Variants in PCGF3 observed in about 807,000 individuals in gnomAD.
The protein encoded by PCGF3 is polycomb group RING finger protein 3.
In PCGF3, 7 loss-of-function variants were observed where a neutral mutation model predicts 33.1. That is an observed-to-expected ratio of 0.21 (90% confidence interval 0.12 to 0.40). The LOEUF (loss-of-function observed/expected upper bound fraction) is 0.40, where lower values mean the gene tolerates loss of function less well. PCGF3 is among the 10% of genes least tolerant of loss of function. The pLI, the probability that PCGF3 is intolerant of heterozygous loss-of-function variation, is 1.00. For synonymous variants in PCGF3, 153 were observed against 121.3 expected, an observed-to-expected ratio of 1.26 and a Z score of -1.72; for missense variants, 211 against 313.3, an observed-to-expected ratio of 0.67 and a Z score of 2.46.
intron 8 of PCGF3, among the ~76,000 whole-genome samples, chr4:747,871 C>G (rs1043355946): frequency 1.9e-5 from 2 of 105,650 alleles, no homozygotes; most frequent in Non-Finnish European, 4.1e-5. Context: ...CTCCCGACTT[C>G]TTCCTTTTTC....
At position 720,514 on chromosome 4, in the gene PCGF3, C is replaced by T. The variant is rs1028807658; in HGVS notation, c.-189-10116C>T. 6.6e-6 allele frequency among the ~76,000 whole-genome samples: 1 copy of T among 152,184 alleles called. No homozygotes were observed. Among genetic ancestry groups the T allele is most frequent in the Non-Finnish European group, 1.5e-5 (1 of 68,036 alleles). Reference sequence around the variant, plus strand: ...TGGGTAGGGCCTCCTGCCAGGGAGCCTTGTGCATGGCTGGGAGGACGGCAA... The same window carrying T: ...TGGGTAGGGCCTCCTGCCAGGGAGCTTTGTGCATGGCTGGGAGGACGGCAA... On this transcript the variant is annotated intron_variant, in intron 1 of 10. Coordinates refer to ENST00000362003, the Ensembl canonical transcript of PCGF3. The surrounding 1 kb of genome is among the most constrained non-coding windows in gnomAD (Gnocchi z 5.6).
chr4:716,072 T>G (rs1742819892), intron 1 of PCGF3, among the ~76,000 whole-genome samples: 1 of 141,198 alleles, frequency 7.1e-6, no homozygotes. Context: ...ACACTGTGAG[T>G]GTGAGAACCG....
At chr4:735,231 T>C (rs1315405700) in intron 5 of PCGF3, among the ~76,000 whole-genome samples, 2 of 152,218 alleles carry the variant, frequency 1.3e-5, no homozygotes, top group African/African-American at 2.4e-5. Context: ...GCCCAGGCTG[T>C]GCCTGCACAT....
intron 1 of PCGF3, among the ~76,000 whole-genome samples, chr4:717,397 T>G (rs1742902190): frequency 6.6e-6 from 1 of 152,218 alleles, no homozygotes; most frequent in Admixed American, 6.5e-5. Context: ...GTGCTTACTT[T>G]TTTTTTCAGT....
At chr4:768,235 T>C (rs1745465723) in exon 11 of PCGF3, 1 of 152,652 alleles carries the variant, frequency 6.6e-6, no homozygotes, top group South Asian at 2.1e-4. Context: ...GAAGTCCCTA[T>C]TTTTCTAGGA....
intron 3 of PCGF3, among the ~76,000 whole-genome samples, chr4:733,070 C>CCGCCCCTGCCCCGTGCTGCCTT: frequency 2.2e-5 from 1 of 44,534 alleles, no homozygotes; most frequent in African/African-American, 1.9e-4. Flanking sequence ...CGTGCTGCCT[C>CCGCCCCTGCCCCGTGCTGCCTT]CGCCCCTGCC....
chr4:718,784 G>A (rs1354900368), intron 1 of PCGF3, among the ~76,000 whole-genome samples: 3 of 152,194 alleles, frequency 2.0e-5, no homozygotes, highest in Admixed American at 6.5e-5. Flanking sequence ...TTGTGGCCAC[G>A]GTAGGGGCTG....
At chr4:711,927 T>C (rs537546971) in intron 1 of PCGF3, among the ~76,000 whole-genome samples, 1 of 149,446 alleles carries the variant, frequency 6.7e-6, no homozygotes, top group Non-Finnish European at 1.5e-5. Flanking sequence ...CACTCCAGAC[T>C]GGGCGAAGAG....
chr4:761,480 A>T, intron 9 of PCGF3, 64 bp downstream of exon 9: 1 of 1,476,472 alleles, frequency 6.8e-7, no homozygotes, highest in Non-Finnish European at 9.1e-7. Context: ...GGTAACTCCA[A>T]GATTCTTTGC....
At chr4:766,116 AC>A (rs1275039641) in exon 11 of PCGF3, 2 of 1,598,964 alleles carry the variant, frequency 1.3e-6, no homozygotes, top group Non-Finnish European at 1.7e-6. Context: ...GGGCCCTCGC[AC>A]CCTTGGGTGC....
intron 1 of PCGF3, among the ~76,000 whole-genome samples, chr4:711,970 A>T (rs1048152416): frequency 0.054 from 5 of 92 alleles, no homozygotes; most frequent in Non-Finnish European, 0.071. Context: ...ATAAAAAGTA[A>T]AAAAAAAAAG....
chr4:765,288 C>G (rs1427435052), intron 10 of PCGF3, among the ~76,000 whole-genome samples: 1 of 152,142 alleles, frequency 6.6e-6, no homozygotes, highest in African/African-American at 2.4e-5. Flanking sequence ...AAAAAATTAG[C>G]CAGGCGTAGT....
chr4:734,242 G>T (rs923717068), intron 4 of PCGF3: 2 of 1,493,922 alleles, frequency 1.3e-6, no homozygotes, highest in Non-Finnish European at 1.8e-6. Context: ...GTTTTTCTAA[G>T]TGTGGCTACC....
At chr4:705,930 C>G (rs979099081) in exon 1 of PCGF3, 1 of 152,210 alleles carries the variant, frequency 6.6e-6, no homozygotes, top group Non-Finnish European at 1.5e-5. Flanking sequence ...CCGGCGCGGA[C>G]CCCGCGTGCG....
At chr4:769,544 G>A (rs557166963) in exon 11 of PCGF3, 1 of 152,686 alleles carries the variant, frequency 6.5e-6, no homozygotes, top group African/African-American at 2.4e-5. Context: ...GAGATAAGTA[G>A]ATTAGAAAAT....
intron 1 of PCGF3, among the ~76,000 whole-genome samples, chr4:729,206 G>T (rs776798457): frequency 6.7e-6 from 1 of 150,124 alleles, no homozygotes; most frequent in Non-Finnish European, 1.5e-5. Context: ...CTTGACCCCA[G>T]TAGTTCACGG....
chr4:708,365 A>C (rs1238625367), intron 1 of PCGF3, among the ~76,000 whole-genome samples: 1 of 152,106 alleles, frequency 6.6e-6, no homozygotes, highest in Non-Finnish European at 1.5e-5. Context: ...GACTGTAAGG[A>C]GTACTGGGAC....
intron 8 of PCGF3, among the ~76,000 whole-genome samples, chr4:753,831 C>A (rs571577453): frequency 6.6e-6 from 1 of 151,060 alleles, no homozygotes; most frequent in East Asian, 2.0e-4. Context: ...GCCTGTAATC[C>A]CAGCTACTCG....
At position 733,802 on chromosome 4, in the gene PCGF3, C is replaced by T. The variant is rs201362658; in HGVS notation, c.109+13C>T. 2.5e-5 allele frequency: 41 copies of T among 1,613,642 alleles called. No homozygotes were observed. Among genetic ancestry groups the T allele is most frequent in the Admixed American group, 8.3e-5 (5 of 60,012 alleles). On this transcript the variant is annotated intron_variant, in intron 4 of 10. Transcript: ENST00000362003. ...TGTCTGCACACCTGTACGTGCCCTGCCCGCGCCACCCAGGGAGGGCGCGCC... is the reference window on the plus strand; with the variant it reads ...TGTCTGCACACCTGTACGTGCCCTGTCCGCGCCACCCAGGGAGGGCGCGCC...
Sources: allele counts gnomAD v4.1 joint callset (sites outside exome capture counted in the v4.1 genomes callset), GRCh38; gene constraint gnomAD v4.1.1; non-coding constraint Gnocchi (gnomAD v3.1); transcripts MANE v1.5; gene names NCBI Gene and HGNC (gene_info 2026-07-23, HGNC 2026-07-21).